NLRP5: variants seen among roughly 807,000 people sequenced by gnomAD.
NLRP5 encodes NLR family pyrin domain containing 5.
A neutral mutation model predicts 113.1 loss-of-function variants in NLRP5; 93 were observed. The observed-to-expected ratio is 0.82, with a 90% CI of 0.70 to 0.98. The LOEUF is 0.98. Among genes scored for constraint, NLRP5 ranks in the 50% least tolerant of loss-of-function variants. The pLI is 0.00. For synonymous variants in NLRP5, 751 were observed against 600.7 expected (o/e 1.25, Z -3.66); for missense variants, 1,808 against 1,514.3 (o/e 1.19, Z -3.22).
chr19:56,023,003 G>A lies in NLRP5; in HGVS notation c.679+2572G>A, dbSNP rs138072884. Among the ~76,000 whole-genome samples, 20 of 152,336 alleles carry A rather than the reference G, an allele frequency of 1.3e-4. No homozygotes were observed. In the East Asian group the frequency reaches 1.9e-3, roughly 15 times the overall value. On this transcript the variant is annotated intron_variant, in intron 6 of 14. Transcript: ENST00000390649. Reference sequence around the variant, plus strand: ...GGCCTCCCAAAGTGCTGGGATTACAGGCGTGAGCCACTGCACCCAGCGAGA... The same window carrying A: ...GGCCTCCCAAAGTGCTGGGATTACAAGCGTGAGCCACTGCACCCAGCGAGA...
At chr19:56,017,641 C>T (rs1054504909) in intron 4 of NLRP5, among the ~76,000 whole-genome samples, 4 of 152,192 alleles carry the variant, frequency 2.6e-5, no homozygotes, top group Admixed American at 2.0e-4. Context: ...TTTCAAGGAA[C>T]ATAAACTTGA....
At chr19:56,024,395 C>CATATATGTACATATATGT (rs1181077350) in intron 6 of NLRP5, among the ~76,000 whole-genome samples, 1 of 114,344 alleles carries the variant, frequency 8.7e-6, no homozygotes, top group East Asian at 2.2e-4. Flanking sequence ...AACATATATA[C>CATATATGTACATATATGT]ATATATGTAC....
At chr19:55,996,398 A>G (rs894966459), upstream of NLRP5, among the ~76,000 whole-genome samples, 3 of 152,140 alleles carry the variant, frequency 2.0e-5, no homozygotes, top group African/African-American at 7.2e-5. Flanking sequence ...CATGTGCACA[A>G]CGTGCAGGTT....
At chr19:56,000,163 C>T (rs61295414) in intron 1 of NLRP5, among the ~76,000 whole-genome samples, 6 of 149,332 alleles carry the variant, frequency 4.0e-5, no homozygotes, top group South Asian at 2.1e-4. Flanking sequence ...ATGACAGTTG[C>T]CCAGGCATGG....
chr19:56,005,106 AAATAT>A (rs1408658020), intron 2 of NLRP5, among the ~76,000 whole-genome samples: 2 of 120,968 alleles, frequency 1.7e-5, no homozygotes, highest in Non-Finnish European at 3.5e-5. Flanking sequence ...AAAAAAAAAA[AAATAT>A]ATATATATAT....
chr19:56,033,333 T>G (rs1387828629), intron 8 of NLRP5, among the ~76,000 whole-genome samples: 1 of 152,190 alleles, frequency 6.6e-6, no homozygotes, highest in African/African-American at 2.4e-5. Context: ...TTGGATGGAT[T>G]AAGCTCCCCA....
intron 11 of NLRP5, among the ~76,000 whole-genome samples, chr19:56,045,370 G>A (rs1159328425): frequency 6.6e-6 from 1 of 152,144 alleles, no homozygotes; most frequent in East Asian, 1.9e-4. Context: ...GGCTGAGTCT[G>A]AAAAGAGAGT....
Position 56,032,674 on chromosome 19 carries a change from C to T in NLRP5, c.2340C>T (p.His780=), listed in dbSNP as rs766991326. 6.2e-7 allele frequency: 1 copy of T among 1,613,694 alleles called. No homozygotes were observed. The highest frequency in any genetic ancestry group is 1.1e-5 in the South Asian group (1 of 91,060). ...ATTTCTGCTCCATGCTTGGCACCCA[C>T]CCACACCTGCGGCAGCTGGACCTGG... is the stretch of plus-strand genomic sequence containing the variant. Residue 780 remains histidine, a synonymous_variant, in exon 8 of 15, where the codon CAC becomes CAT. Coordinates refer to ENST00000390649, the MANE Select transcript of NLRP5 (RefSeq NM_153447.4).
upstream of NLRP5, among the ~76,000 whole-genome samples, chr19:55,994,779 T>C (rs1321540813): frequency 2.0e-5 from 3 of 152,154 alleles, no homozygotes; most frequent in Non-Finnish European, 4.4e-5. Flanking sequence ...CTATTTTTGC[T>C]TTTGTTGCCT....
chr19:56,056,782 C>T (rs1471160244), intron 13 of NLRP5, among the ~76,000 whole-genome samples: 1 of 152,134 alleles, frequency 6.6e-6, no homozygotes, highest in African/African-American at 2.4e-5. Flanking sequence ...TCAATCTTAT[C>T]TCACCATCTC....
Position 56,027,293 on chromosome 19 carries a change from C to G in NLRP5, c.1060C>G (p.Pro354Ala). 1 of 1,612,034 alleles carries G rather than the reference C, an allele frequency of 6.2e-7. No homozygotes were observed. The highest frequency in any genetic ancestry group is 8.5e-7 in the Non-Finnish European group (1 of 1,179,884). ...TCCGGTGACGGAGATCATGTCCCGA[C>G]CAGAAAGGCTGTTGTTCATCATTGA... is the stretch of plus-strand genomic sequence containing the variant. The change falls in exon 7 of 15, where the codon CCA (proline) becomes GCA (alanine). Residue 354 changes from proline to alanine, a missense_variant. Transcript: ENST00000390649.
intron 9 of NLRP5, among the ~76,000 whole-genome samples, chr19:56,034,542 C>T (rs572166108): frequency 2.0e-5 from 3 of 152,310 alleles, no homozygotes; most frequent in African/African-American, 7.2e-5. Flanking sequence ...GTCACAGTAA[C>T]CAAGATGCTC....
chr19:56,002,380 G>A (rs951625312), intron 1 of NLRP5, among the ~76,000 whole-genome samples: 1 of 151,918 alleles, frequency 6.6e-6, no homozygotes, highest in Non-Finnish European at 1.5e-5. Context: ...ATGTTAACAG[G>A]TGTAACAGAA....
At chr19:55,993,457 CTCTCCCCCCTCTCTCCCCCCTCCCT>C in the NLRP5 span, among the ~76,000 whole-genome samples, 2 of 512 alleles carry the variant, frequency 3.9e-3, 1 homozygote, top group South Asian at 0.17. Flanking sequence ...TCTCCCCCCT[CTCTCCCCCCTCTCTCCCCCCTCCCT>C]CCCCCTCTCC....
At chr19:56,012,557 T>G (rs966800369) in intron 3 of NLRP5, among the ~76,000 whole-genome samples, 4 of 116,158 alleles carry the variant, frequency 3.4e-5, no homozygotes, top group Admixed American at 2.0e-4. Context: ...TAATCCAGTC[T>G]TAGGACATTT....
chr19:56,033,735 T>G (rs1983211183), intron 9 of NLRP5, 26 bp downstream of exon 9: 1 of 1,566,228 alleles, frequency 6.4e-7, no homozygotes, highest in East Asian at 2.3e-5. Context: ...AGCTTTTGCC[T>G]TGTTTTTCTT....
chr19:56,050,610 G>T, intron 12 of NLRP5, 22 bp downstream of exon 12: 1 of 1,610,076 alleles, frequency 6.2e-7, no homozygotes, highest in Non-Finnish European at 8.5e-7. Context: ...ATGGGCGTTG[G>T]GTCAACTCTA....
chr19:56,027,684 A>T lies in NLRP5; in HGVS notation c.1451A>T (p.Gln484Leu). The change falls in exon 7 of 15, where the codon CAG becomes CTG. Residue 484 changes from glutamine to leucine, a missense_variant. Physicochemically the swap from Gln to Leu is moderately radical, Grantham distance 113 (BLOSUM62 -2). Transcript: ENST00000390649. Reference sequence around the variant, plus strand: ...CTCATCTGCGTGGCCCTGCAGCTGCAGGACGTGGTGGGGGAGAGCGTCGCC... The same window carrying T: ...CTCATCTGCGTGGCCCTGCAGCTGCTGGACGTGGTGGGGGAGAGCGTCGCC... 1 of 1,613,466 alleles carries T rather than the reference A, an allele frequency of 6.2e-7. No homozygotes were observed. The highest frequency in any genetic ancestry group is 8.5e-7 in the Non-Finnish European group (1 of 1,179,890).
chr19:56,014,613 T>C (rs1982335746), intron 3 of NLRP5, among the ~76,000 whole-genome samples: 1 of 152,212 alleles, frequency 6.6e-6, no homozygotes. Flanking sequence ...GTATATAGCA[T>C]GAAGTAGAGG....
Sources: gnomAD v4.1 joint callset for allele counts (sites outside exome capture counted in the v4.1 genomes callset) on GRCh38, gnomAD v4.1.1 for gene constraint, MANE v1.5 for transcripts, NCBI Gene and HGNC (gene_info 2026-07-23, HGNC 2026-07-21) for gene names.